Variants in DYRK4 observed in about 807,000 individuals in gnomAD.
DYRK4 encodes dual specificity tyrosine phosphorylation regulated kinase 4, also known as dual specificity tyrosine-phosphorylation-regulated kinase 4.
Under a neutral mutation model 68.3 loss-of-function variants are expected in DYRK4, and 64 were observed. That is an observed-to-expected ratio of 0.94 (90% confidence interval 0.77 to 1.15). The LOEUF is 1.15. Ranked by LOEUF, DYRK4 falls within the 50% of genes most tolerant of loss-of-function variation. DYRK4 has a pLI of 0.00. For synonymous variants in DYRK4, 274 were observed against 289.9 expected, an observed-to-expected ratio of 0.95 and a Z score of 0.56; for missense variants, 740 against 764.7, an observed-to-expected ratio of 0.97 and a Z score of 0.38.
rs772187627 is a variant in DYRK4 at position 4,599,043 on chromosome 12, G to A, written c.921G>A (p.Glu307=). 3 of 1,613,964 alleles carry A rather than the reference G, an allele frequency of 1.9e-6. No homozygotes were observed. Among genetic ancestry groups the A allele is most frequent in the African/African-American group, 2.7e-5 (2 of 74,886 alleles). ...TCTTTTCCAGAATCAACTTGTATGA[G>A]TTGATGAAGAATAACAACTTTCAAG... ...TFELLGINLY[E]LMKNNNFQGF... is the part of the protein sequence containing the mutation. The change falls in exon 9 of 15, where the codon GAG becomes GAA. Residue 307 remains glutamate (E), a synonymous_variant. Coordinates refer to ENST00000543431, the MANE Select transcript of DYRK4 (RefSeq NM_001394779.1).
intron 2 of DYRK4, among the ~76,000 whole-genome samples, chr12:4,578,029 A>G (rs906949112): frequency 6.6e-6 from 1 of 151,958 alleles, no homozygotes; most frequent in Admixed American, 6.6e-5. Flanking sequence ...TACTTTCTTT[A>G]TGTTGTTTTT....
At chr12:4,563,451 A>G (rs1287260032) in intron 1 of DYRK4, among the ~76,000 whole-genome samples, 6 of 152,332 alleles carry the variant, frequency 3.9e-5, no homozygotes, top group Non-Finnish European at 8.8e-5. Context: ...AGCTGACTCT[A>G]AGCCCATCGT....
chr12:4,596,059 A>G, intron 6 of DYRK4, 90 bp from the exon 7 acceptor site: 1 of 1,428,310 alleles, frequency 7.0e-7, no homozygotes, highest in Non-Finnish European at 9.7e-7. Context: ...GGAGTGAGCC[A>G]TAATCTGGGG....
Position 4,591,467 on chromosome 12 carries a change from T to C in DYRK4, c.463+169T>C. On this transcript the variant is annotated intron_variant, in intron 5 of 14. Transcript: ENST00000543431. The surrounding 1 kb of genome is among the most constrained non-coding windows in gnomAD (Gnocchi z 4.1). Reference sequence around the variant, plus strand: ...AGCGTTGAACCTCTGACTGTGGTAGTATAAGCAAGAGGCTGAATAGGAGGC... The same window carrying C: ...AGCGTTGAACCTCTGACTGTGGTAGCATAAGCAAGAGGCTGAATAGGAGGC... 2.1e-6 allele frequency: 2 copies of C among 971,726 alleles called. No individual in the cohort carries two copies. The highest frequency in any genetic ancestry group is 2.9e-6 in the Non-Finnish European group (2 of 680,500). The allele number at this position is 971,726 out of a possible 1,614,324, so 60.2% of individuals were successfully genotyped here.
rs551096769 is a variant in DYRK4, at chr12:4,613,697, G to A, written c.1849G>A (p.Gly617Arg). 6.3e-7 allele frequency: 1 copy of A among 1,591,500 alleles called. No homozygotes were observed. Among genetic ancestry groups the A allele is most frequent in the African/African-American group, 1.3e-5 (1 of 74,490 alleles). Reference protein sequence around the residue: ...VGAEVSMTSPGQSKNFSLKNT... With the variant: ...VGAEVSMTSPRQSKNFSLKNT... Reference sequence around the variant, plus strand: ...GGCGGAGGTGTCCATGACCTCCCCAGGACAGAGCAAAAACTTCTCCCTCAA... The same window carrying A: ...GGCGGAGGTGTCCATGACCTCCCCAAGACAGAGCAAAAACTTCTCCCTCAA... Residue 617 changes from glycine (G) to arginine (R), a missense_variant, in exon 15 of 15, where the codon GGA (glycine) becomes AGA (arginine). By Grantham distance (125) the Gly-to-Arg change is moderately radical (BLOSUM62 -2). Coordinates refer to ENST00000543431, the MANE Select transcript of DYRK4 (RefSeq NM_001394779.1). The surrounding 1 kb of genome is among the most constrained non-coding windows in gnomAD (Gnocchi z 4.0).
chr12:4,613,565 C>T lies in DYRK4; in HGVS notation c.1717C>T (p.His573Tyr). 1 of 1,614,130 alleles carries T rather than the reference C, an allele frequency of 6.2e-7. No homozygotes were observed. The highest frequency in any genetic ancestry group is 1.1e-5 in the South Asian group (1 of 91,088). ...TEKTKDSPTK[H>Y]VQHSGDQQDC... is the part of the protein sequence containing the mutation. Reference sequence around the variant, plus strand: ...GAAAACAAAAGATAGCCCCACGAAGCATGTTCAGCATTCAGGTGATCAGCA... The same window carrying T: ...GAAAACAAAAGATAGCCCCACGAAGTATGTTCAGCATTCAGGTGATCAGCA... The change falls in exon 15 of 15, where the codon CAT becomes TAT. Residue 573 changes from histidine to tyrosine, a missense_variant. By Grantham distance (83) the His-to-Tyr change is moderately conservative (BLOSUM62 2). This residue lies in a region of DYRK4 where 614 missense variants were observed against 603.7 expected (regional missense o/e 1.02). Transcript: ENST00000543431. The surrounding 1 kb of genome is among the most constrained non-coding windows in gnomAD (Gnocchi z 4.0).
In DYRK4 at chr12:4,591,247, A is replaced by G. The variant is rs765959517; in HGVS notation, c.412A>G (p.Lys138Glu). ...CCCTAGCATTAAAACCCAGGATCCC[A>G]AGGCAGAGGAGAAGTCACCAAAGAA... is the stretch of plus-strand genomic sequence containing the variant. ...FHPSIKTQDP[K>E]AEEKSPKKQK... Residue 138 changes from lysine to glutamate, a missense_variant, in exon 5 of 15, where the codon AAG becomes GAG. Lys to Glu is a moderately conservative substitution (Grantham distance 56). This residue lies in a region of DYRK4 where 614 missense variants were observed against 603.7 expected (regional missense o/e 1.02). Coordinates refer to ENST00000543431, the MANE Select transcript of DYRK4 (RefSeq NM_001394779.1). The surrounding 1 kb of genome is among the most constrained non-coding windows in gnomAD (Gnocchi z 4.1). The G allele has an allele frequency of 3.1e-5, 50 of 1,614,186 alleles. No individual in the cohort carries two copies. The Middle Eastern group carries it at 1.8e-3, about 59-fold the overall frequency.
chr12:4,604,310 T>C (rs185857957), intron 10 of DYRK4, among the ~76,000 whole-genome samples: 1 of 152,336 alleles, frequency 6.6e-6, no homozygotes, highest in African/African-American at 2.4e-5. Flanking sequence ...GTTCTGACAA[T>C]AACCAATTTA....
In DYRK4 at chr12:4,600,531, A is replaced by G. The variant is rs528429198; in HGVS notation, c.1126+743A>G. 4.6e-4 allele frequency among the ~76,000 whole-genome samples: 70 copies of G among 150,580 alleles called. 2 individuals are homozygous for G. The South Asian group carries it at 0.015, about 32-fold the overall frequency. On this transcript the variant is annotated intron_variant, in intron 10 of 14. Transcript: ENST00000543431. The stretch of plus-strand genomic sequence containing the variant: ...CTTTGGGACCAGCTTTTAAGGTGGC[A>G]AGGGCTGTCAGAGGAAGCTTCCTGA...
In DYRK4 at chr12:4,613,466, A is replaced by G. The variant is rs947065911; in HGVS notation, c.1667-49A>G. On this transcript the variant is annotated intron_variant, in intron 14 of 14. Coordinates refer to ENST00000543431, the MANE Select transcript of DYRK4 (RefSeq NM_001394779.1). The surrounding 1 kb of genome is among the most constrained non-coding windows in gnomAD (Gnocchi z 4.0). ...ACAACCTAAAGGACAATTAACATAT[A>G]ATCCACATTTGAATCTTGTTCCCTT... 2 of 1,569,618 alleles carry G rather than the reference A, an allele frequency of 1.3e-6. No homozygotes were observed.
At chr12:4,604,591 A>G (rs947361647) in intron 10 of DYRK4, among the ~76,000 whole-genome samples, 14 of 152,154 alleles carry the variant, frequency 9.2e-5, no homozygotes, top group Admixed American at 9.2e-4. Context: ...AATCAATCTG[A>G]CAGTTTGAAA....
intron 2 of DYRK4, among the ~76,000 whole-genome samples, chr12:4,576,407 T>G (rs1944790195): frequency 2.0e-5 from 3 of 152,266 alleles, no homozygotes; most frequent in Admixed American, 2.0e-4. Context: ...GCTTATCCAT[T>G]CACTGACTGA....
At chr12:4,565,571 G>T (rs561160205) in intron 1 of DYRK4, among the ~76,000 whole-genome samples, 2 of 151,972 alleles carry the variant, frequency 1.3e-5, no homozygotes, top group African/African-American at 4.8e-5. Flanking sequence ...TGCCTCCAGC[G>T]CTGTCAGAGC....
At chr12:4,601,876 T>TTTTGTGTGTGTG (rs1555123761) in intron 10 of DYRK4, 8 of 156,920 alleles carry the variant, frequency 5.1e-5, no homozygotes, top group African/African-American at 2.0e-4. Context: ...TCTGTAGGGT[T>TTTTGTGTGTGTG]TGTGTGTGTG....
In DYRK4 at chr12:4,565,951, T is replaced by C. The variant is rs568620856; in HGVS notation, c.39-2004T>C. Among the ~76,000 whole-genome samples the C allele has an allele frequency of 4.6e-5, 7 of 152,308 alleles. No individual in the cohort carries two copies. The East Asian group carries it at 1.4e-3, about 29-fold the overall frequency. Reference sequence around the variant, plus strand: ...TCCCACATGTACTTTCATAGTCTCCTACATCTCTGTGAAGTAAAGGAAGGC... The same window carrying C: ...TCCCACATGTACTTTCATAGTCTCCCACATCTCTGTGAAGTAAAGGAAGGC... On this transcript the variant is annotated intron_variant, in intron 1 of 14. Transcript: ENST00000543431.
At chr12:4,590,780 G>A (rs763299480) in intron 4 of DYRK4, 284 of 387,104 alleles carry the variant, frequency 7.3e-4, no homozygotes, top group Non-Finnish European at 9.5e-4. Flanking sequence ...TAATAGGTGC[G>A]AAGGTGCCAA....
At chr12:4,580,711 A>G (rs530810482) in intron 2 of DYRK4, 5 of 411,642 alleles carry the variant, frequency 1.2e-5, no homozygotes, top group South Asian at 7.2e-5. Context: ...CTGGGAAGGG[A>G]TGACAGAGCC....
chr12:4,587,587 C>T (rs892172186), intron 2 of DYRK4, among the ~76,000 whole-genome samples: 22 of 152,206 alleles, frequency 1.4e-4, no homozygotes, highest in African/African-American at 5.3e-4. Context: ...TTTGCAATTG[C>T]AATATTTGCT....
Position 4,591,643 on chromosome 12 carries a change from G to T in DYRK4, c.463+345G>T. 4.0e-6 allele frequency: 1 copy of T among 250,116 alleles called. No individual in the cohort carries two copies. The highest frequency in any genetic ancestry group is 8.0e-5 in the East Asian group (1 of 12,560). 15.5% of individuals were successfully genotyped at this position (250,116 alleles called of 1,614,324 possible). ...GCGGGAAGGCACTGAGAGAGTGGAA[G>T]AGCCAGGAGTGGAAAGGTACTGAAT... On this transcript the variant is annotated intron_variant, in intron 5 of 14. Coordinates refer to ENST00000543431, the MANE Select transcript of DYRK4 (RefSeq NM_001394779.1). This position sits in a 1 kb window ranked among gnomAD's most constrained non-coding sequence, Gnocchi z 4.1.
Sources: allele counts gnomAD v4.1 joint callset (sites outside exome capture counted in the v4.1 genomes callset), GRCh38; gene constraint gnomAD v4.1.1; regional missense constraint gnomAD v4.1.1; non-coding constraint Gnocchi (gnomAD v3.1); transcripts MANE v1.5; gene names NCBI Gene and HGNC (gene_info 2026-07-23, HGNC 2026-07-21).